Variants in CALN1 observed in about 807,000 individuals in gnomAD.
CALN1 encodes calneuron 1.
CALN1 carries 17 observed loss-of-function variants against 30.6 expected under a neutral mutation model. The ratio of observed to expected loss-of-function variants is 0.56; its 90% CI spans 0.38 to 0.83. The LOEUF (loss-of-function observed/expected upper bound fraction) is 0.83, where lower values mean the gene tolerates loss of function less well. Ranked by LOEUF, CALN1 falls within the 40% of genes least tolerant of loss-of-function variation. The probability of loss-of-function intolerance (pLI) is 0.00; values close to 1 mark genes in which losing one functional copy is unlikely to be tolerated. For synonymous variants in CALN1, 156 were observed against 131.4 expected (o/e 1.19, Z -1.28); for missense variants, 291 against 354.9 (o/e 0.82, Z 1.45).
chr7:72,052,929 C>A (rs866073819), intron 4 of CALN1, among the ~76,000 whole-genome samples: 1 of 140,682 alleles, frequency 7.1e-6, no homozygotes, highest in African/African-American at 2.5e-5. Context: ...CCTGTAATCC[C>A]AGCACTTTGA....
chr7:72,211,697 C>T (rs937207182), intron 3 of CALN1, among the ~76,000 whole-genome samples: 18 of 152,200 alleles, frequency 1.2e-4, no homozygotes, highest in Admixed American at 8.5e-4. Flanking sequence ...TTCCTATTGA[C>T]GGTCCCTGCT....
intron 5 of CALN1, among the ~76,000 whole-genome samples, chr7:72,022,041 G>A (rs937782808): frequency 2.6e-5 from 4 of 152,086 alleles, no homozygotes; most frequent in African/African-American, 9.7e-5. Flanking sequence ...TCTTAGTCAT[G>A]GTCAATGACT....
intron 3 of CALN1, among the ~76,000 whole-genome samples, chr7:72,177,425 C>G (rs1009686793): frequency 2.6e-5 from 4 of 152,140 alleles, no homozygotes; most frequent in African/African-American, 9.6e-5. Flanking sequence ...TGATTATTCT[C>G]AAAGAGCTCA....
intron 5 of CALN1, among the ~76,000 whole-genome samples, chr7:71,915,185 C>A (rs959168954): frequency 2.0e-5 from 3 of 152,166 alleles, no homozygotes; most frequent in East Asian, 1.9e-4. Flanking sequence ...AATCTCACCC[C>A]CTTAGGGGGC....
chr7:72,246,398 A>T (rs1415017502), intron 3 of CALN1, among the ~76,000 whole-genome samples: 1 of 152,144 alleles, frequency 6.6e-6, no homozygotes, highest in Non-Finnish European at 1.5e-5. Context: ...TCTAAGGGAC[A>T]CACGGTGGCT....
chr7:72,081,944 T>A (rs1044537553), intron 4 of CALN1, among the ~76,000 whole-genome samples: 2 of 152,152 alleles, frequency 1.3e-5, no homozygotes, highest in Non-Finnish European at 2.9e-5. Flanking sequence ...TTTTCATTCA[T>A]GGTAGACATG....
At chr7:72,186,879 G>A (rs1175278661) in intron 3 of CALN1, among the ~76,000 whole-genome samples, 1 of 131,262 alleles carries the variant, frequency 7.6e-6, no homozygotes, top group Admixed American at 8.8e-5. Context: ...ACATATGAGT[G>A]CAGAGCTTTT....
chr7:72,479,508 A>G, the CALN1 span, among the ~76,000 whole-genome samples: 1 of 149,712 alleles, frequency 6.7e-6, no homozygotes, highest in Admixed American at 6.7e-5. Flanking sequence ...TAGAAATGTT[A>G]TAGTTTTAGG....
chr7:72,363,724 CTTTTTT>C (rs66989275), intron 2 of CALN1, among the ~76,000 whole-genome samples: 1 of 111,862 alleles, frequency 8.9e-6, no homozygotes, highest in South Asian at 3.0e-4. Context: ...TTAAAAAAAA[CTTTTTT>C]TTTTTTTTTT....
At chr7:71,958,476 T>C (rs1797081220) in intron 5 of CALN1, among the ~76,000 whole-genome samples, 1 of 152,190 alleles carries the variant, frequency 6.6e-6, no homozygotes, top group African/African-American at 2.4e-5. Flanking sequence ...AAGACCTTAT[T>C]GGTCCTTCAC....
At chr7:72,247,475 T>TGACCTTGTG (rs574516565) in intron 3 of CALN1, among the ~76,000 whole-genome samples, 2 of 151,036 alleles carry the variant, frequency 1.3e-5, no homozygotes, top group East Asian at 2.0e-4. Context: ...CTCAATCTCC[T>TGACCTTGTG]GACCTTGTGG....
intron 2 of CALN1, among the ~76,000 whole-genome samples, chr7:72,318,829 G>A (rs1361350334): frequency 1.2e-3 from 4 of 3,280 alleles, no homozygotes; most frequent in Non-Finnish European, 5.3e-3. Flanking sequence ...TGGGATTTCA[G>A]GCATGTGTCA....
chr7:72,412,074 T>C lies in CALN1; in HGVS notation c.-90A>G, dbSNP rs1807204311. 1 of 152,258 alleles carries C rather than the reference T, an allele frequency of 6.6e-6. No individual in the cohort carries two copies. Among genetic ancestry groups the C allele is most frequent in the South Asian group, 2.1e-4 (1 of 4,856 alleles). The allele number at this position is 152,258 out of a possible 1,614,324, so 9.4% of individuals were successfully genotyped here. A position where few individuals can be genotyped will look rare whatever the true frequency, so the allele number is the denominator to read the frequency against. On this transcript the variant is annotated 5_prime_UTR_variant, in exon 1 of 7. Transcript: ENST00000395275. ...TGTGCCCACCTGTGTGCGGAATTTATTCCTTCTGCTGGGTTGTTGGTCTCG... is the reference window on the plus strand; with the variant it reads ...TGTGCCCACCTGTGTGCGGAATTTACTCCTTCTGCTGGGTTGTTGGTCTCG...
chr7:72,099,162 G>A (rs1806462421), intron 4 of CALN1, among the ~76,000 whole-genome samples: 1 of 152,026 alleles, frequency 6.6e-6, no homozygotes, highest in South Asian at 2.1e-4. Context: ...ACAGCCAGAT[G>A]GGACGGATGG....
chr7:72,147,088 C>T (rs1290553196), intron 3 of CALN1, among the ~76,000 whole-genome samples: 2 of 152,132 alleles, frequency 1.3e-5, no homozygotes, highest in Non-Finnish European at 1.5e-5. Flanking sequence ...ACACCAAAAG[C>T]AATGGCAACA....
chr7:72,482,541 G>A, the CALN1 span, among the ~76,000 whole-genome samples: 1 of 151,742 alleles, frequency 6.6e-6, no homozygotes, highest in African/African-American at 2.4e-5. Flanking sequence ...TGGCTGATCC[G>A]GGTTATAGAA....
intron 5 of CALN1, among the ~76,000 whole-genome samples, chr7:71,924,783 T>G (rs996302901): frequency 6.6e-6 from 1 of 152,178 alleles, no homozygotes; most frequent in Non-Finnish European, 1.5e-5. Flanking sequence ...TTCTCTCCAA[T>G]CTTTTGTTCT....
chr7:72,321,176 A>G (rs1364952920), intron 2 of CALN1, among the ~76,000 whole-genome samples: 1 of 129,540 alleles, frequency 7.7e-6, no homozygotes, highest in Non-Finnish European at 1.8e-5. Context: ...ACACCCTGAA[A>G]AAGCACTGTC....
chr7:72,031,724 C>G (rs557110650), intron 4 of CALN1, among the ~76,000 whole-genome samples: 1 of 150,300 alleles, frequency 6.7e-6, no homozygotes, highest in African/African-American at 2.5e-5. Flanking sequence ...TGTGCCACCA[C>G]GCCTGGCTAA....
Sources: allele counts gnomAD v4.1 joint callset (sites outside exome capture counted in the v4.1 genomes callset), GRCh38; gene constraint gnomAD v4.1.1; transcripts MANE v1.5; gene names NCBI Gene and HGNC (gene_info 2026-07-23, HGNC 2026-07-21).